The following MTUS2 variants were observed in gnomAD, a reference collection of about 807,000 sequenced individuals.
MTUS2 encodes the protein microtubule-associated tumor suppressor candidate 2.
Under a neutral mutation model 114.1 loss-of-function variants are expected in MTUS2, and 40 were observed. That is an observed-to-expected ratio of 0.35 (90% CI 0.27 to 0.46). The LOEUF (loss-of-function observed/expected upper bound fraction) is 0.46, where lower values mean the gene tolerates loss of function less well. Ranked by LOEUF, MTUS2 falls within the 20% of genes least tolerant of loss-of-function variation. The probability of loss-of-function intolerance (pLI) is 1.00; values close to 1 mark genes in which losing one functional copy is unlikely to be tolerated. For missense variants in MTUS2, 1,679 were observed against 1,705.4 expected, an observed-to-expected ratio of 0.98 and a Z score of 0.27; for synonymous variants, 688 against 672.0, an observed-to-expected ratio of 1.02 and a Z score of -0.37.
intron 5 of MTUS2, among the ~76,000 whole-genome samples, chr13:29,122,063 A>G (rs888379100): frequency 2.0e-5 from 3 of 152,192 alleles, no homozygotes; most frequent in African/African-American, 7.2e-5. Context: ...TAGTACAAGT[A>G]GGTATACTTG....
chr13:29,029,639 G>A (rs1566307755), intron 3 of MTUS2, among the ~76,000 whole-genome samples: 1 of 152,204 alleles, frequency 6.6e-6, no homozygotes, highest in Non-Finnish European at 1.5e-5. Context: ...TTTGGCTCAT[G>A]GTTCTGCAGG....
At chr13:29,044,004 TTAAA>T (rs1887497185) in intron 4 of MTUS2, among the ~76,000 whole-genome samples, 1 of 152,102 alleles carries the variant, frequency 6.6e-6, no homozygotes, top group Middle Eastern at 3.2e-3. Flanking sequence ...TTAAATAAAT[TTAAA>T]TAAGAAAAAG....
chr13:29,354,550 G>C (rs1306773377), intron 7 of MTUS2, among the ~76,000 whole-genome samples: 2 of 152,136 alleles, frequency 1.3e-5, no homozygotes, highest in African/African-American at 4.8e-5. Context: ...CCTGATTGTA[G>C]CTTCCTGTTT....
intron 2 of MTUS2, among the ~76,000 whole-genome samples, chr13:28,940,815 T>G (rs888828435): frequency 2.6e-5 from 4 of 152,042 alleles, no homozygotes; most frequent in Non-Finnish European, 4.4e-5. Flanking sequence ...TGGGACATGG[T>G]AAAAAGATCT....
intron 4 of MTUS2, among the ~76,000 whole-genome samples, chr13:29,084,414 T>C (rs1889578151): frequency 6.6e-6 from 1 of 152,180 alleles, no homozygotes; most frequent in African/African-American, 2.4e-5. Flanking sequence ...CTCTCTACTT[T>C]GCTTAGATTT....
intron 8 of MTUS2, among the ~76,000 whole-genome samples, chr13:29,368,583 C>T (rs1870934807): frequency 6.6e-6 from 1 of 152,088 alleles, no homozygotes; most frequent in Non-Finnish European, 1.5e-5. Context: ...ATGCATGTAT[C>T]AAAATATCAG....
intron 7 of MTUS2, among the ~76,000 whole-genome samples, chr13:29,345,557 CCATGTCCTATAA>C (rs1403761802): frequency 1.2e-4 from 18 of 151,730 alleles, no homozygotes; most frequent in Non-Finnish European, 1.5e-5. Flanking sequence ...ATTTTTTCAT[CCATGTCCTATAA>C]CATTGTTTTT....
intron 6 of MTUS2, among the ~76,000 whole-genome samples, chr13:29,285,245 A>G (rs1291519262): frequency 1.3e-5 from 2 of 151,742 alleles, no homozygotes; most frequent in East Asian, 3.9e-4. Context: ...ATGCTAGGAA[A>G]TGACCTCATT....
At chr13:29,331,962 A>G (rs1900799191) in intron 7 of MTUS2, among the ~76,000 whole-genome samples, 1 of 152,208 alleles carries the variant, frequency 6.6e-6, no homozygotes, top group African/African-American at 2.4e-5. Context: ...TCAGTTTGCC[A>G]GTATTTTATT....
intron 2 of MTUS2, among the ~76,000 whole-genome samples, chr13:28,894,665 C>T (rs990177954): frequency 6.6e-6 from 1 of 152,160 alleles, no homozygotes; most frequent in Admixed American, 6.5e-5. Context: ...TATACCATTC[C>T]TTAGACTGTA....
intron 8 of MTUS2, among the ~76,000 whole-genome samples, chr13:29,396,646 C>G (rs1161825347): frequency 5.9e-5 from 9 of 152,188 alleles, no homozygotes; most frequent in Admixed American, 5.2e-4. Context: ...CACCTCCTGT[C>G]AAAAATATTT....
intron 2 of MTUS2, among the ~76,000 whole-genome samples, chr13:28,848,939 C>T (rs1018283010): frequency 1.3e-5 from 2 of 152,130 alleles, no homozygotes; most frequent in Non-Finnish European, 2.9e-5. Flanking sequence ...TCTTACCACC[C>T]CAAATGCCAG....
At chr13:29,041,233 C>T (rs754422743) in intron 4 of MTUS2, among the ~76,000 whole-genome samples, 6 of 152,034 alleles carry the variant, frequency 3.9e-5, no homozygotes, top group African/African-American at 9.7e-5. Context: ...TTTTTGTTTG[C>T]GTTATTAAAG....
intron 6 of MTUS2, among the ~76,000 whole-genome samples, chr13:29,283,259 G>C (rs1454768353): frequency 6.6e-6 from 1 of 152,182 alleles, no homozygotes; most frequent in Non-Finnish European, 1.5e-5. Flanking sequence ...AGTTCCCTTT[G>C]TTAAGACTTA....
chr13:29,025,825 G>T lies in MTUS2; in HGVS notation c.1127G>T (p.Gly376Val), dbSNP rs1327555831. 6.2e-7 allele frequency: 1 copy of T among 1,613,850 alleles called. No homozygotes were observed. Among genetic ancestry groups the T allele is most frequent in the Admixed American group, 1.7e-5 (1 of 60,010 alleles). Residue 376 changes from glycine to valine, a missense_variant, in exon 3 of 16, where the codon GGC (glycine) becomes GTC (valine). Around this residue, in one of 3 missense-constraint regions of MTUS2, gnomAD observed 843 missense variants for 770.8 expected, o/e 1.09. Coordinates refer to ENST00000612955, the MANE Select transcript of MTUS2 (RefSeq NM_001033602.4). Reference sequence around the variant, plus strand: ...CTCCACCACCTTGGGGTGGGAAGAGGCAACTGTGAAGAGAAGAGAGGAGTC... The same window carrying T: ...CTCCACCACCTTGGGGTGGGAAGAGTCAACTGTGAAGAGAAGAGAGGAGTC... ...SDLHHLGVGRGNCEEKRGVNP... is the reference protein window; with the variant it reads ...SDLHHLGVGRVNCEEKRGVNP...
intron 8 of MTUS2, among the ~76,000 whole-genome samples, chr13:29,432,010 A>T (rs3125727): frequency 0.031 from 2,483 of 80,908 alleles, 97 homozygotes; most frequent in East Asian, 0.068. Flanking sequence ...ACGCTCAGCT[A>T]TTTTTTTTTT....
At chr13:29,382,685 T>A (rs995829147) in intron 8 of MTUS2, among the ~76,000 whole-genome samples, 2 of 152,166 alleles carry the variant, frequency 1.3e-5, no homozygotes, top group Non-Finnish European at 2.9e-5. Context: ...CTTTAAGAAG[T>A]CACTGAGCAC....
rs1566163606 is a variant in MTUS2 at position 29,375,597 on chromosome 13, AT to A, written c.3117+16125del. Among the ~76,000 whole-genome samples the A allele has an allele frequency of 7.7e-3, 38 of 4,932 alleles. 1 individual carries two copies. Among genetic ancestry groups the A allele is most frequent in the South Asian group, 0.035 (3 of 86 alleles). 3.2% of individuals were successfully genotyped at this position (4,932 alleles called of 152,430 possible). On this transcript the variant is annotated intron_variant, in intron 8 of 15. Coordinates refer to ENST00000612955, the MANE Select transcript of MTUS2 (RefSeq NM_001033602.4). Reference sequence around the variant, plus strand: ...TACATATATATATATACGTATATATATATATATATACGTATATATATATATA... The same window carrying A: ...TACATATATATATATACGTATATATAATATATATACGTATATATATATATA...
chr13:29,228,222 G>A lies in MTUS2; in HGVS notation c.2645-53482G>A, dbSNP rs1345198343. Among the ~76,000 whole-genome samples the A allele has an allele frequency of 5.9e-5, 9 of 152,350 alleles. 1 individual carries two copies. The highest frequency in any genetic ancestry group is 1.9e-4 in the African/African-American group (8 of 41,582). On this transcript the variant is annotated intron_variant, in intron 5 of 15. Coordinates refer to ENST00000612955, the MANE Select transcript of MTUS2 (RefSeq NM_001033602.4). ...TGATAAATTGTGGAGCCTCCATGTCGTGGAATACTGTACAGACATTAAAGA... is the reference window on the plus strand; with the variant it reads ...TGATAAATTGTGGAGCCTCCATGTCATGGAATACTGTACAGACATTAAAGA...
Sources: allele counts gnomAD v4.1 joint callset (sites outside exome capture counted in the v4.1 genomes callset), GRCh38; gene constraint gnomAD v4.1.1; regional missense constraint gnomAD v4.1.1; transcripts MANE v1.5; gene names NCBI Gene and HGNC (gene_info 2026-07-23, HGNC 2026-07-21).